The following KMT2A variants were observed in gnomAD, a reference collection of about 807,000 sequenced individuals.
The protein encoded by KMT2A is histone-lysine N-methyltransferase 2A.
KMT2A carries 16 observed loss-of-function variants against 345.3 expected under a neutral mutation model. The ratio of observed to expected loss-of-function variants is 0.05; its 90% CI spans 0.03 to 0.07. The LOEUF is 0.07. KMT2A is among the 10% of genes least tolerant of loss of function. KMT2A has a pLI of 1.00. For missense variants in KMT2A, 3,272 were observed against 4,841.6 expected, an observed-to-expected ratio of 0.68 and a Z score of 9.62; for synonymous variants, 1,599 against 1,778.6, an observed-to-expected ratio of 0.90 and a Z score of 2.54.
chr11:118,475,740 A>T (rs1950026194), intron 3 of KMT2A, among the ~76,000 whole-genome samples: 1 of 152,170 alleles, frequency 6.6e-6, no homozygotes, highest in Non-Finnish European at 1.5e-5. Flanking sequence ...ATAAATAAAT[A>T]AAATTAATGT....
intron 30 of KMT2A, among the ~76,000 whole-genome samples, chr11:118,511,077 T>G (rs782627272): frequency 6.6e-6 from 1 of 152,118 alleles, no homozygotes; most frequent in African/African-American, 2.4e-5. Context: ...TGCCAAACCT[T>G]GAGGACTTTG....
At position 118,505,216 on chromosome 11, in the gene KMT2A, C is replaced by T. The variant is rs1555047615; in HGVS notation, c.9324C>T (p.Thr3108=). 1 of 1,614,058 alleles carries T rather than the reference C, an allele frequency of 6.2e-7. No individual in the cohort carries two copies. The highest frequency in any genetic ancestry group is 8.5e-7 in the Non-Finnish European group (1 of 1,179,982). ...GAGTGACCCAAAAAATCCAATTGAC[C>T]TCTTCTGTTAGTTCTACACCCAGTG... The part of the protein sequence containing the change: ...PNGVTQKIQL[T]SSVSSTPSVM... Residue 3108 remains threonine, a synonymous_variant, in exon 27 of 36, where the codon ACC becomes ACT. Transcript: ENST00000534358. This position sits in a 1 kb window ranked among gnomAD's most constrained non-coding sequence, Gnocchi z 4.6.
Position 118,511,970 on chromosome 11 carries a change from A to T in KMT2A, c.11091A>T (p.Thr3697=), listed in dbSNP as rs782700054. ...ESIEDAWKSL[T]DKVQEARSNA... is the part of the protein sequence containing the mutation. ...TTTCAGATGCCTGGAAGTCATTGAC[A>T]GATAAAGTCCAGGAAGCTCGATCAA... The change falls in exon 31 of 36, where the codon ACA becomes ACT. Residue 3697 remains threonine, a synonymous_variant. Transcript: ENST00000534358. 1 of 1,614,138 alleles carries T rather than the reference A, an allele frequency of 6.2e-7. No homozygotes were observed. The highest frequency in any genetic ancestry group is 8.5e-7 in the Non-Finnish European group (1 of 1,179,986).
chr11:118,447,049 T>C (rs1324749225), intron 1 of KMT2A, among the ~76,000 whole-genome samples: 1 of 152,242 alleles, frequency 6.6e-6, no homozygotes, highest in Non-Finnish European at 1.5e-5. Context: ...CTTGGGCTTA[T>C]TATTCGTCTC....
At position 118,526,502 on chromosome 11, in the gene KMT2A, A is replaced by C. The variant is rs1951084609; in HGVS notation, c.*4330A>C. On this transcript the variant is annotated 3_prime_UTR_variant, in exon 36 of 36. Transcript: ENST00000534358. ...ATGACAAGCTTCTTTTCTAGAAATA[A>C]GACATTTTTTGACAACTTTATCATG... 4.3e-6 allele frequency: 1 copy of C among 230,332 alleles called. No individual in the cohort carries two copies. The highest frequency in any genetic ancestry group is 8.6e-6 in the Non-Finnish European group (1 of 116,476). 14.3% of individuals were successfully genotyped at this position (230,332 alleles called of 1,614,324 possible).
rs1555047972 is a variant in KMT2A, at chr11:118,505,734, C to T, written c.9842C>T (p.Ser3281Phe). ...LLDLGSLNTS[S>F]HRTVPNIIKR... is the part of the protein sequence containing the mutation. ...GATTTGGGGTCACTTAATACTTCATCTCACCGAACTGTCCCCAACATCATA... is the reference window on the plus strand; with the variant it reads ...GATTTGGGGTCACTTAATACTTCATTTCACCGAACTGTCCCCAACATCATA... The change falls in exon 27 of 36, where the codon TCT becomes TTT. Residue 3281 changes from serine (S) to phenylalanine (F), a missense_variant. This residue lies in a region of KMT2A where 748 missense variants were observed against 922.2 expected (regional missense o/e 0.81). Transcript: ENST00000534358. The surrounding 1 kb of genome is among the most constrained non-coding windows in gnomAD (Gnocchi z 4.6). The T allele has an allele frequency of 5.6e-6, 9 of 1,614,164 alleles. No homozygotes were observed. In the South Asian group the frequency reaches 8.8e-5, roughly 16 times the overall value.
chr11:118,465,636 C>T (rs180809790), intron 1 of KMT2A, among the ~76,000 whole-genome samples: 163 of 152,274 alleles, frequency 1.1e-3, no homozygotes, highest in African/African-American at 3.8e-3. Flanking sequence ...ACCAACCCTT[C>T]TCTCCCCACA....
At chr11:118,442,486 TTGA>T (rs1949335003) in intron 1 of KMT2A, among the ~76,000 whole-genome samples, 1 of 152,204 alleles carries the variant, frequency 6.6e-6, no homozygotes, top group African/African-American at 2.4e-5. Flanking sequence ...TTTATGAAAC[TTGA>T]TGAGTAAAAT....
At position 118,436,991 on chromosome 11, in the gene KMT2A, G is replaced by T. The variant is rs923423325; in HGVS notation, c.432+47G>T. 10 of 1,380,360 alleles carry T rather than the reference G, an allele frequency of 7.2e-6. No homozygotes were observed. The highest frequency in any genetic ancestry group is 9.5e-6 in the Non-Finnish European group (10 of 1,056,612). 85.5% of individuals were successfully genotyped at this position (1,380,360 alleles called of 1,614,324 possible). ...AGGTCCGGGGTCTCGACCCTCTGCG[G>T]AGCCCCCTCCCCTCCCCCATCCGGG... On this transcript the variant is annotated intron_variant, in intron 1 of 35. Transcript: ENST00000534358. This position sits in a 1 kb window ranked among gnomAD's most constrained non-coding sequence, Gnocchi z 6.9.
At position 118,452,473 on chromosome 11, in the gene KMT2A, C is replaced by G. The variant is rs540394733; in HGVS notation, c.432+15529C>G. Among the ~76,000 whole-genome samples the G allele has an allele frequency of 7.2e-5, 11 of 152,118 alleles. 1 individual carries two copies. In the South Asian group the frequency reaches 2.3e-3, roughly 32 times the overall value. ...CTTAAGCCCAGGAATAGGAGGCTGCCGTGAGGTATGATCATACCACTGCAC... is the reference window on the plus strand; with the variant it reads ...CTTAAGCCCAGGAATAGGAGGCTGCGGTGAGGTATGATCATACCACTGCAC... On this transcript the variant is annotated intron_variant, in intron 1 of 35. Transcript: ENST00000534358.
At chr11:118,488,442 C>T (rs1451693048) in intron 10 of KMT2A, 172 bp from the exon 11 acceptor site, 9 of 698,366 alleles carry the variant, frequency 1.3e-5, no homozygotes, top group South Asian at 4.6e-5. Context: ...CTGAATCTCC[C>T]GCAGTGTCCA....
intron 1 of KMT2A, among the ~76,000 whole-genome samples, chr11:118,468,452 C>G (rs1949886025): frequency 6.6e-6 from 1 of 152,022 alleles, no homozygotes; most frequent in Admixed American, 6.5e-5. Flanking sequence ...ATTTGCTTAC[C>G]TGATTTAAAG....
At chr11:118,444,534 G>T (rs1013459915) in intron 1 of KMT2A, among the ~76,000 whole-genome samples, 5 of 152,190 alleles carry the variant, frequency 3.3e-5, no homozygotes, top group African/African-American at 1.2e-4. Context: ...AACTGCCTGA[G>T]TTCAAATCTA....
At chr11:118,487,385 C>G (rs553213170) in intron 10 of KMT2A, among the ~76,000 whole-genome samples, 36 of 152,266 alleles carry the variant, frequency 2.4e-4, no homozygotes, top group African/African-American at 8.4e-4. Context: ...CACTGCACTC[C>G]TAAAGCATGA....
Position 118,491,961 on chromosome 11 carries a change from G to A in KMT2A, c.5004+33G>A, listed in dbSNP as rs201742004. On this transcript the variant is annotated intron_variant, in intron 15 of 35. Transcript: ENST00000534358. This position sits in a 1 kb window ranked among gnomAD's most constrained non-coding sequence, Gnocchi z 4.2. ...AAGTCTCATTTTTTTCTGAGAGCTT[G>A]TTCTTAGGTAGTCTTTACCTAGTGT... 4 of 1,505,946 alleles carry A rather than the reference G, an allele frequency of 2.7e-6. No individual in the cohort carries two copies. The highest frequency in any genetic ancestry group is 3.5e-5 in the Admixed American group (2 of 56,804). The allele number at this position is 1,505,946 out of a possible 1,614,324, so 93.3% of individuals were successfully genotyped here.
At position 118,506,212 on chromosome 11, in the gene KMT2A, A is replaced by G; in HGVS notation, c.10320A>G (p.Ile3440Met). ...TCCCCTCCACTCAGACTACGGGCAT[A>G]ACAGCCGCTTCACCTTCTGGGGAAG... ...CVLPSTQTTGITAASPSGEAD... is the reference protein window; with the variant it reads ...CVLPSTQTTGMTAASPSGEAD... The change falls in exon 27 of 36, where the codon ATA (isoleucine) becomes ATG (methionine). Residue 3440 changes from isoleucine (I) to methionine (M), a missense_variant. Physicochemically the swap from Ile to Met is conservative, Grantham distance 10. Transcript: ENST00000534358. 1 of 1,614,156 alleles carries G rather than the reference A, an allele frequency of 6.2e-7. No individual in the cohort carries two copies. The highest frequency in any genetic ancestry group is 8.5e-7 in the Non-Finnish European group (1 of 1,180,006).
chr11:118,521,492 A>C lies in KMT2A; in HGVS notation c.11643+75A>C. 1 of 1,523,490 alleles carries C rather than the reference A, an allele frequency of 6.6e-7. No individual in the cohort carries two copies. The highest frequency in any genetic ancestry group is 9.0e-7 in the Non-Finnish European group (1 of 1,115,118). The allele number at this position is 1,523,490 out of a possible 1,614,324, so 94.4% of individuals were successfully genotyped here. On this transcript the variant is annotated intron_variant, in intron 35 of 35. Transcript: ENST00000534358. The surrounding 1 kb of genome is among the most constrained non-coding windows in gnomAD (Gnocchi z 5.3). ...GGGACCAGTATGACCCCTGGATCAC[A>C]AAAGAAATAGTGTATGTTATCAATT...
At position 118,491,881 on chromosome 11, in the gene KMT2A, G is replaced by A. The variant is rs1555042575; in HGVS notation, c.4957G>A (p.Ala1653Thr). The change falls in exon 15 of 36, where the codon GCT becomes ACT. Residue 1653 changes from alanine (A) to threonine (T), a missense_variant. This residue lies in a region of KMT2A where 66 missense variants were observed against 80.1 expected (regional missense o/e 0.82). Coordinates refer to ENST00000534358, the MANE Select transcript of KMT2A (RefSeq NM_001197104.2). The surrounding 1 kb of genome is among the most constrained non-coding windows in gnomAD (Gnocchi z 4.2). ...GATTTCTCTGAAGCAAGTTCTGACA[G>A]CTTTGTTGAATTCTCGGACTACCAG... ...LQISLKQVLTALLNSRTTSHL... is the reference protein window; with the variant it reads ...LQISLKQVLTTLLNSRTTSHL... 22 of 1,613,896 alleles carry A rather than the reference G, an allele frequency of 1.4e-5. No homozygotes were observed. The East Asian group carries it at 4.9e-4, about 36-fold the overall frequency.
At chr11:118,442,983 A>G (rs1242382475) in intron 1 of KMT2A, among the ~76,000 whole-genome samples, 2 of 152,172 alleles carry the variant, frequency 1.3e-5, no homozygotes, top group African/African-American at 4.8e-5. Flanking sequence ...ACAAAGGGCT[A>G]TTTTTGTTGT....
Sources: allele counts gnomAD v4.1 joint callset (sites outside exome capture counted in the v4.1 genomes callset), GRCh38; gene constraint gnomAD v4.1.1; regional missense constraint gnomAD v4.1.1; non-coding constraint Gnocchi (gnomAD v3.1); transcripts MANE v1.5; gene names NCBI Gene and HGNC (gene_info 2026-07-23, HGNC 2026-07-21).